DLGAP1: variants seen among roughly 807,000 people sequenced by gnomAD.
DLGAP1 encodes disks large-associated protein 1.
In DLGAP1, 11 loss-of-function variants were observed where a neutral mutation model predicts 90.8. The observed-to-expected ratio is 0.12, with a 90% CI of 0.08 to 0.20. The LOEUF (loss-of-function observed/expected upper bound fraction) is 0.20. DLGAP1 is among the 10% of genes least tolerant of loss of function. The probability of loss-of-function intolerance (pLI) is 1.00; values close to 1 mark genes in which losing one functional copy is unlikely to be tolerated. For synonymous variants in DLGAP1, 558 were observed against 540.7 expected (o/e 1.03, Z -0.44); for missense variants, 1,050 against 1,333.8 (o/e 0.79, Z 3.31).
At chr18:3,928,506 G>A (rs2072443267) in intron 3 of DLGAP1, among the ~76,000 whole-genome samples, 1 of 152,152 alleles carries the variant, frequency 6.6e-6, no homozygotes, top group South Asian at 2.1e-4. Context: ...TAATTTAATA[G>A]TGATGATGAT....
intron 7 of DLGAP1, among the ~76,000 whole-genome samples, chr18:3,595,765 CA>C (rs967612453): frequency 1.3e-5 from 2 of 149,518 alleles, no homozygotes; most frequent in African/African-American, 4.9e-5. Context: ...CCAACAGGTG[CA>C]ATCAAGTCAT....
chr18:4,395,164 C>T (rs957473352), intron 1 of DLGAP1, among the ~76,000 whole-genome samples: 2 of 152,186 alleles, frequency 1.3e-5, no homozygotes, highest in African/African-American at 4.8e-5. Context: ...AGAAATAGCA[C>T]ATTGCATTGG....
intron 8 of DLGAP1, chr18:3,580,703 A>T: frequency 6.2e-7 from 1 of 1,613,738 alleles, no homozygotes; most frequent in African/African-American, 1.3e-5. Flanking sequence ...CAATGATCAC[A>T]GTCAACCACA....
At chr18:3,608,922 C>T (rs1188047320) in intron 7 of DLGAP1, among the ~76,000 whole-genome samples, 4 of 152,194 alleles carry the variant, frequency 2.6e-5, no homozygotes, top group Admixed American at 2.0e-4. Flanking sequence ...CTGCAACCTC[C>T]ACCTCCCAGG....
intron 3 of DLGAP1, among the ~76,000 whole-genome samples, chr18:3,928,466 C>T (rs1247467893): frequency 6.6e-6 from 1 of 152,044 alleles, no homozygotes; most frequent in Non-Finnish European, 1.5e-5. Context: ...TGGTTTTTAG[C>T]ACAAGTGAAG....
chr18:4,207,222 C>CAGGG (rs2077738667), intron 1 of DLGAP1, among the ~76,000 whole-genome samples: 1 of 152,154 alleles, frequency 6.6e-6, no homozygotes, highest in South Asian at 2.1e-4. Context: ...AGGGAACTTA[C>CAGGG]AACAATGGCG....
chr18:4,436,403 A>T (rs1021284606), intron 1 of DLGAP1, among the ~76,000 whole-genome samples: 10 of 151,990 alleles, frequency 6.6e-5, no homozygotes, highest in African/African-American at 2.4e-4. Flanking sequence ...AAAGTTTCTG[A>T]TTCAGTATTT....
rs550392554 is a variant in DLGAP1, at chr18:3,525,091, A to G, written c.2479+9103T>C. 7.1e-4 allele frequency among the ~76,000 whole-genome samples: 80 copies of G among 112,866 alleles called. 1 individual carries two copies. In the East Asian group the frequency reaches 8.4e-3, roughly 12 times the overall value. The allele number at this position is 112,866 out of a possible 152,430, so 74.0% of individuals were successfully genotyped here. On this transcript the variant is annotated intron_variant, in intron 10 of 12. Transcript: ENST00000315677. The stretch of plus-strand genomic sequence containing the variant: ...CAGAGTTTCCACAGTGTTCTGGGGG[A>G]AAAAAAAAAAAATCAACAACATTAT...
intron 1 of DLGAP1, among the ~76,000 whole-genome samples, chr18:4,427,909 G>A (rs1485246480): frequency 1.3e-5 from 2 of 152,144 alleles, no homozygotes; most frequent in East Asian, 1.9e-4. Flanking sequence ...CTGTGTTATT[G>A]CAAAATCATT....
At chr18:3,767,543 T>A (rs2064308515) in intron 5 of DLGAP1, among the ~76,000 whole-genome samples, 1 of 152,088 alleles carries the variant, frequency 6.6e-6, no homozygotes. Context: ...TAAAGAATTA[T>A]ACACCATGAC....
rs1725713888 is a variant in DLGAP1 at position 3,727,319 on chromosome 18, G to A, written c.1591+1816C>T. 1.3e-5 allele frequency among the ~76,000 whole-genome samples: 2 copies of A among 152,164 alleles called. No homozygotes were observed. Among genetic ancestry groups the A allele is most frequent in the Admixed American group, 6.5e-5 (1 of 15,272 alleles). Reference sequence around the variant, plus strand: ...CATGGGACAGGCGCTGATGCAGGAAGTGTAAGTAAAATGACAAAAACACGC... The same window carrying A: ...CATGGGACAGGCGCTGATGCAGGAAATGTAAGTAAAATGACAAAAACACGC... On this transcript the variant is annotated intron_variant, in intron 7 of 12. Coordinates refer to ENST00000315677, the MANE Select transcript of DLGAP1 (RefSeq NM_004746.4). The surrounding 1 kb of genome is among the most constrained non-coding windows in gnomAD (Gnocchi z 4.7).
chr18:3,580,511 G>A, intron 8 of DLGAP1: 6 of 1,600,270 alleles, frequency 3.7e-6, no homozygotes, highest in Non-Finnish European at 5.1e-6. Context: ...GGAGGAGGAG[G>A]AAGAGGAGGC....
At chr18:3,850,926 C>T (rs2069303148) in intron 4 of DLGAP1, among the ~76,000 whole-genome samples, 1 of 152,010 alleles carries the variant, frequency 6.6e-6, no homozygotes, top group African/African-American at 2.4e-5. Flanking sequence ...TAAATGGTAA[C>T]AGGACTGGTT....
At chr18:3,793,085 C>T (rs2065814760) in intron 5 of DLGAP1, among the ~76,000 whole-genome samples, 1 of 152,290 alleles carries the variant, frequency 6.6e-6, no homozygotes, top group Non-Finnish European at 1.5e-5. Context: ...GAATACGACT[C>T]GACCAATGAA....
chr18:3,513,779 A>T (rs2050673849), intron 10 of DLGAP1, among the ~76,000 whole-genome samples: 1 of 152,212 alleles, frequency 6.6e-6, no homozygotes, highest in African/African-American at 2.4e-5. Context: ...CTATGATTTG[A>T]AATCTCCTGA....
chr18:3,722,659 C>T (rs894614850), intron 7 of DLGAP1: 1 of 152,136 alleles, frequency 6.6e-6, no homozygotes, highest in East Asian at 1.9e-4. Flanking sequence ...TTGATTTTAT[C>T]TTGAATAGAA....
At chr18:4,068,690 A>C (rs1392942588) in intron 2 of DLGAP1, among the ~76,000 whole-genome samples, 1 of 152,178 alleles carries the variant, frequency 6.6e-6, no homozygotes, top group Admixed American at 6.6e-5. Context: ...TATTTTTGGA[A>C]TCATAGGGAC....
intron 1 of DLGAP1, among the ~76,000 whole-genome samples, chr18:4,316,709 C>T (rs191604512): frequency 1.2e-4 from 18 of 152,228 alleles, no homozygotes; most frequent in Non-Finnish European, 1.9e-4. Flanking sequence ...GATTTAAGGC[C>T]GTCGAACTGA....
At chr18:4,284,752 G>A (rs1367265589) in intron 1 of DLGAP1, among the ~76,000 whole-genome samples, 1 of 152,176 alleles carries the variant, frequency 6.6e-6, no homozygotes, top group Non-Finnish European at 1.5e-5. Context: ...GCTATAGGAA[G>A]TGGACTGCAG....
Sources: gnomAD v4.1 joint callset for allele counts (sites outside exome capture counted in the v4.1 genomes callset) on GRCh38, gnomAD v4.1.1 for gene constraint, Gnocchi (gnomAD v3.1) non-coding constraint, MANE v1.5 for transcripts, NCBI Gene and HGNC (gene_info 2026-07-23, HGNC 2026-07-21) for gene names.